The following TTLL11 variants were observed in gnomAD, a reference collection of about 807,000 sequenced individuals.
The protein encoded by TTLL11 is tubulin polyglutamylase TTLL11.
TTLL11 carries 42 observed loss-of-function variants against 51.7 expected under a neutral mutation model. The ratio of observed to expected loss-of-function variants is 0.81; its 90% CI spans 0.64 to 1.05. The LOEUF (loss-of-function observed/expected upper bound fraction) is 1.05, where lower values mean the gene tolerates loss of function less well. Among genes scored for constraint, TTLL11 ranks in the 50% least tolerant of loss-of-function variants. TTLL11 has a pLI of 0.00. For missense variants in TTLL11, 799 were observed against 940.4 expected, an observed-to-expected ratio of 0.85 and a Z score of 1.97; for synonymous variants, 381 against 383.5, an observed-to-expected ratio of 0.99 and a Z score of 0.08.
chr9:121,836,028 G>C (rs957256277), intron 8 of TTLL11, among the ~76,000 whole-genome samples: 2 of 152,210 alleles, frequency 1.3e-5, no homozygotes, highest in Non-Finnish European at 2.9e-5. Context: ...GGATTACTAA[G>C]AGTGGTCTGT....
At chr9:121,903,733 C>T (rs1366986481) in intron 6 of TTLL11, among the ~76,000 whole-genome samples, 1 of 152,180 alleles carries the variant, frequency 6.6e-6, no homozygotes, top group African/African-American at 2.4e-5. Context: ...CCCATAGGCG[C>T]CCAGTGGCTG....
chr9:122,066,301 T>C (rs1025203523), intron 1 of TTLL11, among the ~76,000 whole-genome samples: 5 of 151,876 alleles, frequency 3.3e-5, no homozygotes, highest in African/African-American at 4.8e-5. Context: ...ATTTAAAAAG[T>C]GCTTTAAATG....
intron 1 of TTLL11, among the ~76,000 whole-genome samples, chr9:122,044,359 T>A (rs1844941473): frequency 6.6e-6 from 1 of 152,156 alleles, no homozygotes; most frequent in African/African-American, 2.4e-5. Flanking sequence ...TTTATAATCC[T>A]TTGGGTATAT....
intron 1 of TTLL11, among the ~76,000 whole-genome samples, chr9:122,071,946 A>G (rs1034620890): frequency 6.6e-6 from 1 of 152,156 alleles, no homozygotes; most frequent in Non-Finnish European, 1.5e-5. Flanking sequence ...TCTGCCCTCA[A>G]GGAGGGTGTC....
At chr9:121,949,569 G>C (rs1393099616) in intron 6 of TTLL11, among the ~76,000 whole-genome samples, 1 of 152,134 alleles carries the variant, frequency 6.6e-6, no homozygotes, top group Non-Finnish European at 1.5e-5. Flanking sequence ...GATGAGTCAA[G>C]TGACCTGCCT....
chr9:121,865,063 A>C (rs1838137910), intron 7 of TTLL11, among the ~76,000 whole-genome samples: 2 of 152,224 alleles, frequency 1.3e-5, no homozygotes, highest in South Asian at 2.1e-4. Flanking sequence ...AGACAACTCC[A>C]GTTTAAAATG....
At chr9:121,914,025 C>T (rs13294377) in intron 6 of TTLL11, among the ~76,000 whole-genome samples, 2 of 151,998 alleles carry the variant, frequency 1.3e-5, no homozygotes, top group South Asian at 2.1e-4. Context: ...ACTTTCCACT[C>T]GGAGAAACTA....
At chr9:122,092,279 C>A (rs1306510625) in intron 1 of TTLL11, among the ~76,000 whole-genome samples, 1 of 152,218 alleles carries the variant, frequency 6.6e-6, no homozygotes, top group East Asian at 1.9e-4. Context: ...AAGTGTTCCT[C>A]TGCCCAAGAG....
intron 6 of TTLL11, among the ~76,000 whole-genome samples, chr9:121,966,480 G>A (rs1406273851): frequency 6.6e-6 from 1 of 152,028 alleles, no homozygotes. Context: ...GGGTCCCCTC[G>A]AGCCCAAAAT....
intron 1 of TTLL11, among the ~76,000 whole-genome samples, chr9:122,055,013 A>T (rs1461923336): frequency 6.6e-6 from 1 of 152,176 alleles, no homozygotes; most frequent in Non-Finnish European, 1.5e-5. Flanking sequence ...GCGTTGGTCT[A>T]AAGGCACCAT....
chr9:121,870,448 G>A (rs1299268741), intron 7 of TTLL11, 49 bp downstream of exon 7: 2 of 1,524,660 alleles, frequency 1.3e-6, no homozygotes, highest in Non-Finnish European at 1.8e-6. Flanking sequence ...TGTGAGACTG[G>A]ACTCCACCCA....
At chr9:121,848,073 G>T (rs960870107) in intron 8 of TTLL11, among the ~76,000 whole-genome samples, 8 of 152,002 alleles carry the variant, frequency 5.3e-5, no homozygotes, top group Non-Finnish European at 1.0e-4. Context: ...CAGGTGTGGG[G>T]GCACATGCCT....
intron 8 of TTLL11, among the ~76,000 whole-genome samples, chr9:121,857,298 C>T (rs1225406026): frequency 1.3e-5 from 2 of 152,220 alleles, no homozygotes; most frequent in African/African-American, 4.8e-5. Context: ...TTCACCAGCC[C>T]TGCCCCCTCT....
intron 6 of TTLL11, among the ~76,000 whole-genome samples, chr9:121,928,135 A>T (rs949961255): frequency 6.6e-6 from 1 of 152,200 alleles, no homozygotes; most frequent in African/African-American, 2.4e-5. Context: ...TACGGGACGC[A>T]TGGCCATGCC....
At chr9:121,946,009 A>C (rs1841647263) in intron 6 of TTLL11, among the ~76,000 whole-genome samples, 1 of 152,210 alleles carries the variant, frequency 6.6e-6, no homozygotes, top group African/African-American at 2.4e-5. Context: ...GCCAAATGCC[A>C]AGGGCATGAA....
chr9:121,976,451 T>C (rs578110095), intron 4 of TTLL11, among the ~76,000 whole-genome samples: 1 of 152,222 alleles, frequency 6.6e-6, no homozygotes, highest in Non-Finnish European at 1.5e-5. Flanking sequence ...ACTCTCATTA[T>C]GGCTACAGAA....
intron 8 of TTLL11, among the ~76,000 whole-genome samples, chr9:121,842,235 T>C (rs140276993): frequency 2.1e-5 from 3 of 145,970 alleles, no homozygotes; most frequent in South Asian, 2.2e-4. Context: ...AGATGATCTT[T>C]AGGGCTCCCT....
intron 1 of TTLL11, among the ~76,000 whole-genome samples, chr9:122,091,475 G>A (rs1265245879): frequency 3.3e-5 from 5 of 152,040 alleles, no homozygotes; most frequent in African/African-American, 1.2e-4. Context: ...CTTCCCCAAC[G>A]GCTACACCCT....
At chr9:121,962,726 C>T (rs755168068) in intron 6 of TTLL11, among the ~76,000 whole-genome samples, 1 of 152,214 alleles carries the variant, frequency 6.6e-6, no homozygotes, top group Admixed American at 6.5e-5. Context: ...CATGTGAGAT[C>T]CTGCTTTAAG....
Sources: gnomAD v4.1 joint callset for allele counts (sites outside exome capture counted in the v4.1 genomes callset) on GRCh38, gnomAD v4.1.1 for gene constraint, MANE v1.5 for transcripts, NCBI Gene and HGNC (gene_info 2026-07-23, HGNC 2026-07-21) for gene names.